Variants in GLDC observed in about 807,000 individuals in gnomAD.
GLDC encodes glycine decarboxylase.
GLDC carries 104 observed loss-of-function variants against 121.3 expected under a neutral mutation model. The observed-to-expected ratio is 0.86, with a 90% CI of 0.73 to 1.01. The LOEUF is 1.01. GLDC is among the 50% of genes least tolerant of loss of function. The pLI, the probability that GLDC is intolerant of heterozygous loss-of-function variation, is 0.00. For missense variants in GLDC, 1,429 were observed against 1,306.6 expected, an observed-to-expected ratio of 1.09 and a Z score of -1.44; for synonymous variants, 546 against 480.6, an observed-to-expected ratio of 1.14 and a Z score of -1.78.
At chr9:6,634,596 G>A (rs1036751846) in intron 2 of GLDC, among the ~76,000 whole-genome samples, 3 of 151,554 alleles carry the variant, frequency 2.0e-5, no homozygotes, top group East Asian at 1.9e-4. Context: ...TGGGCTGCCC[G>A]AAGCCAGTGA....
intron 15 of GLDC, among the ~76,000 whole-genome samples, chr9:6,585,613 C>G (rs1469746514): frequency 6.6e-6 from 1 of 152,016 alleles, no homozygotes; most frequent in Non-Finnish European, 1.5e-5. Flanking sequence ...GCTGTGTAGT[C>G]TATGTTACAA....
At chr9:6,632,646 G>C (rs1819408799) in intron 2 of GLDC, among the ~76,000 whole-genome samples, 1 of 152,220 alleles carries the variant, frequency 6.6e-6, no homozygotes, top group Non-Finnish European at 1.5e-5. Context: ...TTCGCCCACA[G>C]CGACTCACGT....
intron 2 of GLDC, among the ~76,000 whole-genome samples, chr9:6,644,283 T>A (rs1819692755): frequency 6.6e-6 from 1 of 151,598 alleles, no homozygotes; most frequent in African/African-American, 2.4e-5. Flanking sequence ...TAATGACACC[T>A]CTCAACCCAA....
Position 6,556,178 on chromosome 9 carries a change from AG to A in GLDC, c.2176del (p.Leu726Ter), listed in dbSNP as rs2129725961. 6.2e-7 allele frequency: 1 copy of A among 1,613,268 alleles called. No homozygotes were observed. Among genetic ancestry groups the A allele is most frequent in the Non-Finnish European group, 8.5e-7 (1 of 1,179,514 alleles). ...CTGAGCATTCATATTTGCCCCGTCTAGGTAGACCTGTCCTCCATGTTGATGG... is the reference window on the plus strand; with the variant it reads ...CTGAGCATTCATATTTGCCCCGTCTAGTAGACCTGTCCTCCATGTTGATGG... ...LIHQHGGQVY[L>X]DGANMNAQVG... On this transcript the variant is annotated frameshift_variant, in exon 18 of 25. Coordinates refer to ENST00000321612, the MANE Select transcript of GLDC (RefSeq NM_000170.3). LOFTEE classifies it high-confidence loss of function.
At chr9:6,605,693 C>T (rs1040389487) in intron 5 of GLDC, among the ~76,000 whole-genome samples, 55 of 152,220 alleles carry the variant, frequency 3.6e-4, no homozygotes, top group African/African-American at 1.1e-3. Context: ...CTAATAATGC[C>T]AATTATATGT....
intron 16 of GLDC, among the ~76,000 whole-genome samples, chr9:6,561,868 AG>A (rs1417762244): frequency 6.6e-6 from 1 of 152,204 alleles, no homozygotes; most frequent in Non-Finnish European, 1.5e-5. Context: ...CTCCTGTGCA[AG>A]GGAAACTAAT....
At chr9:6,579,353 C>G (rs1818131306) in intron 15 of GLDC, among the ~76,000 whole-genome samples, 1 of 151,850 alleles carries the variant, frequency 6.6e-6, no homozygotes, top group Non-Finnish European at 1.5e-5. Context: ...CTTCCATGTT[C>G]TCATCCCCAA....
chr9:6,576,330 G>T (rs1217062406), intron 15 of GLDC, among the ~76,000 whole-genome samples: 4 of 152,170 alleles, frequency 2.6e-5, no homozygotes, highest in Non-Finnish European at 5.9e-5. Context: ...GGTGGAAGGG[G>T]TAAAGAGCTC....
In GLDC at chr9:6,632,115, A is replaced by G. The variant is rs573562070; in HGVS notation, c.335-11796T>C. On this transcript the variant is annotated intron_variant, in intron 2 of 24. Transcript: ENST00000321612. Reference sequence around the variant, plus strand: ...TGCAGTCCAACCGAGAATCACACCAAGTAAATTGTAATCTCTTATAGTAAA... The same window carrying G: ...TGCAGTCCAACCGAGAATCACACCAGGTAAATTGTAATCTCTTATAGTAAA... Among the ~76,000 whole-genome samples the G allele has an allele frequency of 1.2e-3, 189 of 152,330 alleles. 2 individuals are homozygous for G. Among genetic ancestry groups the G allele is most frequent in the African/African-American group, 4.5e-3 (185 of 41,572 alleles).
Position 6,639,897 on chromosome 9 carries a change from A to C in GLDC, c.334+4717T>G, listed in dbSNP as rs139073510. ...GTGACAATCCAGGAAACCGAACAAC[A>C]ACTTCCCTAACAATTGGCCCCAAAT... On this transcript the variant is annotated intron_variant, in intron 2 of 24. Transcript: ENST00000321612. 3.2e-3 allele frequency among the ~76,000 whole-genome samples: 493 copies of C among 152,198 alleles called. 5 individuals are homozygous for C. The highest frequency in any genetic ancestry group is 0.011 in the African/African-American group (476 of 41,512).
At chr9:6,561,194 G>C (rs1206028725) in intron 16 of GLDC, among the ~76,000 whole-genome samples, 4 of 152,202 alleles carry the variant, frequency 2.6e-5, no homozygotes, top group African/African-American at 9.6e-5. Context: ...GCAGCCATAG[G>C]AAACTAATAC....
intron 16 of GLDC, among the ~76,000 whole-genome samples, chr9:6,564,329 AG>A (rs1002907765): frequency 1.3e-5 from 2 of 152,116 alleles, no homozygotes; most frequent in Non-Finnish European, 2.9e-5. Context: ...GAACTATGCA[AG>A]GGAAGGAGGG....
chr9:6,610,083 T>C (rs1475099556), intron 4 of GLDC, 109 bp downstream of exon 4: 7 of 854,134 alleles, frequency 8.2e-6, no homozygotes, highest in Admixed American at 7.0e-5. Context: ...TGAAAAGTCA[T>C]ACTCTAGAAA....
chr9:6,548,683 C>T (rs11792185), intron 21 of GLDC, among the ~76,000 whole-genome samples: 1 of 151,998 alleles, frequency 6.6e-6, no homozygotes, highest in Non-Finnish European at 1.5e-5. Context: ...CAGGTGCAGG[C>T]GGGTGGGCTG....
chr9:6,564,573 C>T (rs560053165), intron 16 of GLDC, among the ~76,000 whole-genome samples: 2 of 152,300 alleles, frequency 1.3e-5, no homozygotes, highest in African/African-American at 2.4e-5. Context: ...GCCCTGCTCT[C>T]GGCTCCTAGG....
Position 6,588,675 on chromosome 9 carries a change from C to G in GLDC, c.1608G>C (p.Arg536=). 6.2e-7 allele frequency: 1 copy of G among 1,613,184 alleles called. No homozygotes were observed. The highest frequency in any genetic ancestry group is 8.5e-7 in the Non-Finnish European group (1 of 1,179,212). The part of the protein sequence containing the change: ...NSYHSETNIV[R]YMKKLENKDI... ...CTTTATTTTCCAGTTTCTTCATGTA[C>G]CGGACAATGTTTGTTTCAGAGTGGT... Residue 536 remains arginine (R), a synonymous_variant, in exon 13 of 25, where the codon CGG becomes CGC. Coordinates refer to ENST00000321612, the MANE Select transcript of GLDC (RefSeq NM_000170.3).
intron 2 of GLDC, among the ~76,000 whole-genome samples, chr9:6,627,074 T>A (rs1248360514): frequency 6.6e-6 from 1 of 151,922 alleles, no homozygotes; most frequent in Admixed American, 6.6e-5. Context: ...GGCGGGTGGA[T>A]CACAAGATCA....
intron 16 of GLDC, among the ~76,000 whole-genome samples, chr9:6,560,943 A>G (rs1303777086): frequency 6.6e-6 from 1 of 152,214 alleles, no homozygotes; most frequent in Non-Finnish European, 1.5e-5. Flanking sequence ...AGATGGGACC[A>G]CAGAGGGAGC....
At chr9:6,537,126 G>A (rs1175548935) in intron 22 of GLDC, among the ~76,000 whole-genome samples, 3 of 151,702 alleles carry the variant, frequency 2.0e-5, no homozygotes. Flanking sequence ...AACCTCCTGG[G>A]CTCAAGTGAT....
Sources: allele counts gnomAD v4.1 joint callset (sites outside exome capture counted in the v4.1 genomes callset), GRCh38; gene constraint gnomAD v4.1.1; transcripts MANE v1.5; gene names NCBI Gene and HGNC (gene_info 2026-07-23, HGNC 2026-07-21).